The following CALD1 variants were observed in gnomAD, a reference collection of about 807,000 sequenced individuals.
CALD1 encodes caldesmon 1.
Under a neutral mutation model 99.9 loss-of-function variants are expected in CALD1, and 33 were observed. The observed-to-expected ratio is 0.33, with a 90% CI of 0.25 to 0.44. The LOEUF is 0.44. CALD1 is among the 20% of genes least tolerant of loss of function. The pLI, the probability that CALD1 is intolerant of heterozygous loss-of-function variation, is 1.00. For synonymous variants in CALD1, 310 were observed against 325.0 expected, an observed-to-expected ratio of 0.95 and a Z score of 0.50; for missense variants, 861 against 962.1, an observed-to-expected ratio of 0.89 and a Z score of 1.39.
At chr7:134,895,298 ATGTGTGTGTGTGTG>A (rs71172482) in intron 3 of CALD1, among the ~76,000 whole-genome samples, 29 of 138,642 alleles carry the variant, frequency 2.1e-4, no homozygotes, top group East Asian at 4.4e-4. Context: ...TTATATATGT[ATGTGTGTGTGTGTG>A]TGTGTGTGTG....
chr7:134,770,566 G>A lies in CALD1; in HGVS notation c.-130+26203G>A, dbSNP rs145190959. ...CTGTATTCACCCCCTCTTCTCCTCC[G>A]TGTCTTGTGTATCTCAAATCTCCCT... On this transcript the variant is annotated intron_variant, in intron 1 of 13. Transcript: ENST00000417172. 8.4e-3 allele frequency among the ~76,000 whole-genome samples: 1,284 copies of A among 152,096 alleles called. 17 individuals are homozygous for A. Among genetic ancestry groups the A allele is most frequent in the African/African-American group, 0.029 (1,192 of 41,446 alleles).
intron 2 of CALD1, among the ~76,000 whole-genome samples, chr7:134,852,942 T>C (rs1232894581): frequency 1.3e-5 from 2 of 152,176 alleles, no homozygotes; most frequent in Non-Finnish European, 2.9e-5. Flanking sequence ...TATTATGGAC[T>C]GTTTGTCTCT....
At chr7:134,854,349 T>C (rs1176426103) in intron 2 of CALD1, among the ~76,000 whole-genome samples, 1 of 152,236 alleles carries the variant, frequency 6.6e-6, no homozygotes, top group Non-Finnish European at 1.5e-5. Context: ...AGCATTCCTG[T>C]TTCTCCACAT....
chr7:134,950,377 G>A lies in CALD1; in HGVS notation c.1798G>A (p.Glu600Lys), dbSNP rs1807241172. 1 of 1,614,054 alleles carries A rather than the reference G, an allele frequency of 6.2e-7. No homozygotes were observed. The highest frequency in any genetic ancestry group is 2.2e-5 in the East Asian group (1 of 44,878). ...TTATTTGTTCTTTCTCTCTTAGGAA[G>A]AGAAGAGGAGGCTAAAGGAAGAGAT... ...EADRKLREEE[E>K]KRRLKEEIER... The change falls in exon 9 of 15, where the codon GAG becomes AAG. Residue 600 changes from glutamate (E) to lysine (K), a missense_variant. Glu to Lys is a moderately conservative substitution (Grantham distance 56). Transcript: ENST00000361675.
At chr7:134,959,534 TAGAG>T (rs1205279590) in intron 11 of CALD1, among the ~76,000 whole-genome samples, 2 of 151,970 alleles carry the variant, frequency 1.3e-5, no homozygotes, top group African/African-American at 4.8e-5. Context: ...CTCTACAAAA[TAGAG>T]AGAGGCCTAT....
intron 1 of CALD1, among the ~76,000 whole-genome samples, chr7:134,781,651 G>C (rs756655531): frequency 6.6e-6 from 1 of 152,098 alleles, no homozygotes; most frequent in Non-Finnish European, 1.5e-5. Flanking sequence ...CAAAATTCCA[G>C]AACAAAAAGT....
chr7:134,736,253 T>G, the CALD1 span, among the ~76,000 whole-genome samples: 1 of 152,198 alleles, frequency 6.6e-6, no homozygotes, highest in African/African-American at 2.4e-5. Flanking sequence ...GTATTATAAC[T>G]GAACATTTAG....
intron 1 of CALD1, among the ~76,000 whole-genome samples, chr7:134,820,748 T>C (rs1439490178): frequency 3.3e-5 from 5 of 152,178 alleles, no homozygotes; most frequent in Non-Finnish European, 7.3e-5. Flanking sequence ...CTCTGACATA[T>C]TGGTCAAATA....
At chr7:134,906,985 G>T (rs968649828) in intron 3 of CALD1, among the ~76,000 whole-genome samples, 1 of 152,132 alleles carries the variant, frequency 6.6e-6, no homozygotes, top group African/African-American at 2.4e-5. Context: ...GTTACCTAAC[G>T]CCTCTGAGCC....
chr7:134,926,900 A>G (rs904830310), intron 3 of CALD1, among the ~76,000 whole-genome samples: 4 of 152,228 alleles, frequency 2.6e-5, no homozygotes, highest in African/African-American at 9.6e-5. Flanking sequence ...AAATATGCCA[A>G]CAGGGTGGAT....
At position 134,872,377 on chromosome 7, in the gene CALD1, A is replaced by AC. The variant is rs1283765029; in HGVS notation, c.71+4573_71+4574insC. Among the ~76,000 whole-genome samples the AC allele has an allele frequency of 6.0e-3, 808 of 134,780 alleles. 2 individuals are homozygous for AC. The highest frequency in any genetic ancestry group is 0.011 in the Non-Finnish European group (667 of 62,742). 88.4% of individuals were successfully genotyped at this position (134,780 alleles called of 152,430 possible). A position where few individuals can be genotyped will look rare whatever the true frequency, so the allele number is the denominator to read the frequency against. On this transcript the variant is annotated intron_variant, in intron 3 of 14. Coordinates refer to ENST00000361675, the MANE Select transcript of CALD1 (RefSeq NM_033138.4). ...GGTCTCAAAAAAAAAAAAAAAAAAA[A>AC]AAAAACTTCCTTCTTTGTCTTGCCC...
intron 3 of CALD1, among the ~76,000 whole-genome samples, chr7:134,896,658 A>G (rs1032270306): frequency 1.3e-5 from 2 of 152,194 alleles, no homozygotes; most frequent in African/African-American, 2.4e-5. Context: ...TTGAACAGCA[A>G]TTTGCATTGC....
chr7:134,935,309 C>T (rs1488510490), intron 5 of CALD1, among the ~76,000 whole-genome samples: 2 of 152,208 alleles, frequency 1.3e-5, no homozygotes, highest in Non-Finnish European at 2.9e-5. Context: ...CTTTCCAGAG[C>T]AAATTCTCTG....
chr7:134,907,748 C>T (rs1051846188), intron 3 of CALD1, among the ~76,000 whole-genome samples: 1 of 152,218 alleles, frequency 6.6e-6, no homozygotes, highest in African/African-American at 2.4e-5. Context: ...TTCATTTTTC[C>T]AGTCCCCCCC....
rs76000742 is a variant in CALD1, at chr7:134,840,489, A to C, written c.-129-3395A>C. Among the ~76,000 whole-genome samples, 2 of 152,186 alleles carry C rather than the reference A, an allele frequency of 1.3e-5. 1 individual carries two copies. Among genetic ancestry groups the C allele is most frequent in the East Asian group, 3.8e-4 (2 of 5,206 alleles). On this transcript the variant is annotated intron_variant, in intron 1 of 14. Coordinates refer to ENST00000361675, the MANE Select transcript of CALD1 (RefSeq NM_033138.4). ...TCCAAATTAATTTTGGTTTTGTGGA[A>C]TATTATCCAGAGTTTCTAGTTATTC...
At chr7:134,963,892 A>G (rs10256949) in intron 13 of CALD1, among the ~76,000 whole-genome samples, 1,936 of 152,278 alleles carry the variant, frequency 0.013, 52 homozygotes, top group African/African-American at 0.043. Flanking sequence ...GGGTGAGGAA[A>G]ATGCTGCTAG....
chr7:134,927,383 TAA>T (rs1050454527), intron 3 of CALD1, among the ~76,000 whole-genome samples: 1 of 144,586 alleles, frequency 6.9e-6, no homozygotes, highest in Non-Finnish European at 1.5e-5. Context: ...CACCATCTCT[TAA>T]AAAAAAAAAT....
intron 1 of CALD1, among the ~76,000 whole-genome samples, chr7:134,784,349 G>A (rs548846826): frequency 6.6e-5 from 10 of 152,316 alleles, no homozygotes; most frequent in South Asian, 6.2e-4. Context: ...TGGGGAACCA[G>A]GCTGACTTCA....
intron 2 of CALD1, among the ~76,000 whole-genome samples, chr7:134,866,651 G>C (rs1800812573): frequency 6.6e-6 from 1 of 152,118 alleles, no homozygotes; most frequent in African/African-American, 2.4e-5. Flanking sequence ...TTTAGGTTTT[G>C]TACAGCTCCT....
Sources: gnomAD v4.1 joint callset for allele counts (sites outside exome capture counted in the v4.1 genomes callset) on GRCh38, gnomAD v4.1.1 for gene constraint, MANE v1.5 for transcripts, NCBI Gene and HGNC (gene_info 2026-07-23, HGNC 2026-07-21) for gene names.